MRAS: variants seen among roughly 807,000 people sequenced by gnomAD.
The protein encoded by MRAS is ras-related protein M-Ras.
In MRAS, 4 loss-of-function variants were observed where a neutral mutation model predicts 20.9. The observed-to-expected ratio is 0.19, with a 90% CI of 0.09 to 0.44. The LOEUF is 0.44. Ranked by LOEUF, MRAS falls within the 20% of genes least tolerant of loss-of-function variation. The pLI, the probability that MRAS is intolerant of heterozygous loss-of-function variation, is 0.99. For missense variants in MRAS, 154 were observed against 277.5 expected, an observed-to-expected ratio of 0.56 and a Z score of 3.16; for synonymous variants, 98 against 102.9, an observed-to-expected ratio of 0.95 and a Z score of 0.29.
rs756765006 is a variant in MRAS, at chr3:138,397,381, C to T, written c.251C>T (p.Thr84Met). The stretch of plus-strand genomic sequence containing the variant: ...GCCATGCGGGAGCAATACATGCGCA[C>T]GGGGGATGGCTTCCTCATCGTCTAC... ...FSAMREQYMR[T>M]GDGFLIVYSV... The change falls in exon 3 of 6, where the codon ACG (threonine) becomes ATG (methionine). Residue 84 changes from threonine (T) to methionine (M), a missense_variant. By Grantham distance (81) the Thr-to-Met change is moderately conservative (BLOSUM62 -1). Around this residue, in one of 3 missense-constraint regions of MRAS, gnomAD observed 125 missense variants for 213.5 expected, o/e 0.59. Transcript: ENST00000423968. 4 of 1,613,984 alleles carry T rather than the reference C, an allele frequency of 2.5e-6. No individual in the cohort carries two copies. The highest frequency in any genetic ancestry group is 3.4e-6 in the Non-Finnish European group (4 of 1,180,006).
chr3:138,370,706 GA>G (rs2054657707), intron 1 of MRAS, among the ~76,000 whole-genome samples: 1 of 152,130 alleles, frequency 6.6e-6, no homozygotes, highest in Admixed American at 6.5e-5. Flanking sequence ...CAGGTGGCTT[GA>G]ACATTTTATT....
chr3:138,399,510 A>G (rs1242723426), intron 4 of MRAS, among the ~76,000 whole-genome samples: 2 of 147,382 alleles, frequency 1.4e-5, no homozygotes, highest in South Asian at 2.2e-4. Flanking sequence ...ATGATTTACA[A>G]TCTACTCCTC....
chr3:138,400,684 TGAG>T (rs1486023948), intron 5 of MRAS, 71 bp downstream of exon 5: 9 of 1,315,246 alleles, frequency 6.8e-6, no homozygotes, highest in African/African-American at 5.8e-5. Flanking sequence ...GCTGGGAGCT[TGAG>T]GAAGCAGCTC....
At chr3:138,400,648 A>G (rs937854399) in intron 5 of MRAS, 35 bp downstream of exon 5, 46 of 1,556,646 alleles carry the variant, frequency 3.0e-5, no homozygotes, top group Non-Finnish European at 4.1e-5. Flanking sequence ...GCGGGCCTCC[A>G]CAGCATGGGT....
In MRAS at chr3:138,376,973, C is replaced by T. The variant is rs528136710; in HGVS notation, c.193+3897C>T. Among the ~76,000 whole-genome samples the T allele has an allele frequency of 1.0e-3, 158 of 152,356 alleles. 1 individual carries two copies. Among genetic ancestry groups the T allele is most frequent in the Admixed American group, 2.9e-3 (44 of 15,308 alleles). Reference sequence around the variant, plus strand: ...TTTCTCTCTACAGCCATATAAACTTCTCTGACTTTTTCCTGAGTACCTTTG... The same window carrying T: ...TTTCTCTCTACAGCCATATAAACTTTTCTGACTTTTTCCTGAGTACCTTTG... On this transcript the variant is annotated intron_variant, in intron 2 of 5. Coordinates refer to ENST00000423968, the MANE Select transcript of MRAS (RefSeq NM_001085049.3).
At chr3:138,384,899 C>T (rs556821209) in intron 2 of MRAS, among the ~76,000 whole-genome samples, 5 of 152,260 alleles carry the variant, frequency 3.3e-5, no homozygotes, top group South Asian at 2.1e-4. Context: ...CATGAGAGAC[C>T]GGCCAGGAGC....
chr3:138,394,374 T>C (rs751740410), intron 2 of MRAS, among the ~76,000 whole-genome samples: 2 of 152,194 alleles, frequency 1.3e-5, no homozygotes, highest in Non-Finnish European at 2.9e-5. Flanking sequence ...TTGGGTCCTC[T>C]TGTCCATCAC....
intron 1 of MRAS, among the ~76,000 whole-genome samples, chr3:138,358,690 G>A (rs1193360502): frequency 6.6e-6 from 1 of 152,266 alleles, no homozygotes; most frequent in African/African-American, 2.4e-5. Flanking sequence ...GTCTAGTGGG[G>A]AAGATGCATT....
intron 1 of MRAS, among the ~76,000 whole-genome samples, chr3:138,358,879 C>T (rs939507976): frequency 7.9e-5 from 12 of 152,190 alleles, no homozygotes; most frequent in African/African-American, 2.2e-4. Context: ...GCTTAATAAA[C>T]GGTCATTATA....
At chr3:138,368,278 G>GTGTGTGAGTGTGTA (rs1412792264) in intron 1 of MRAS, among the ~76,000 whole-genome samples, 1 of 152,222 alleles carries the variant, frequency 6.6e-6, no homozygotes, top group African/African-American at 2.4e-5. Context: ...GAGTGTGTGT[G>GTGTGTGAGTGTGTA]TGTGTGAGTG....
rs2055266918 is a variant in MRAS, at chr3:138,397,551, CTT to C, written c.347+76_347+77del. On this transcript the variant is annotated intron_variant, in intron 3 of 5. Transcript: ENST00000423968. ...CTCCTAGGGCGCTCTCTCTCTCTCT[CTT>C]TCTCTTTCTCTCTCTCTCACCCCTA... 7.5e-6 allele frequency: 11 copies of C among 1,466,468 alleles called. No individual in the cohort carries two copies. The African/African-American group carries it at 9.8e-5, about 13-fold the overall frequency. The allele number at this position is 1,466,468 out of a possible 1,614,324, so 90.8% of individuals were successfully genotyped here. A position where few individuals can be genotyped will look rare whatever the true frequency, so the allele number is the denominator to read the frequency against.
Position 138,400,575 on chromosome 3 carries a change from T to C in MRAS, c.489T>C (p.Asn163=), listed in dbSNP as rs761170472. ...CCAGTGCCAAGGACCCACCTCTCAATGTCGACAAAGCCTTCCATGACCTCG... is the reference window on the plus strand; with the variant it reads ...CCAGTGCCAAGGACCCACCTCTCAACGTCGACAAAGCCTTCCATGACCTCG... ...IETSAKDPPL[N]VDKAFHDLVR... Residue 163 remains asparagine (N), a synonymous_variant, in exon 5 of 6, where the codon AAT becomes AAC. Coordinates refer to ENST00000423968, the MANE Select transcript of MRAS (RefSeq NM_001085049.3). 1.9e-6 allele frequency: 3 copies of C among 1,613,758 alleles called. No homozygotes were observed.
chr3:138,378,317 A>C (rs1288293902), intron 2 of MRAS, among the ~76,000 whole-genome samples: 1 of 152,208 alleles, frequency 6.6e-6, no homozygotes, highest in African/African-American at 2.4e-5. Flanking sequence ...AGGAAGTCAC[A>C]TTGCCTGTGT....
chr3:138,358,006 A>G (rs1040224094), intron 1 of MRAS, among the ~76,000 whole-genome samples: 2 of 152,188 alleles, frequency 1.3e-5, no homozygotes, highest in Non-Finnish European at 2.9e-5. Flanking sequence ...AAGGATAACA[A>G]TCTGTCTTAG....
At chr3:138,361,267 G>T (rs937524677) in intron 1 of MRAS, among the ~76,000 whole-genome samples, 2 of 152,208 alleles carry the variant, frequency 1.3e-5, no homozygotes, top group African/African-American at 4.8e-5. Flanking sequence ...CGAGGGGAAG[G>T]GGGCACTTGG....
chr3:138,364,445 T>C (rs2054520058), intron 1 of MRAS, among the ~76,000 whole-genome samples: 1 of 152,248 alleles, frequency 6.6e-6, no homozygotes, highest in East Asian at 1.9e-4. Flanking sequence ...CTGTCCCTAC[T>C]TTTACAGAAA....
At chr3:138,372,836 T>C in intron 1 of MRAS, 30 bp from the exon 2 acceptor site, 2 of 1,432,232 alleles carry the variant, frequency 1.4e-6, no homozygotes, top group South Asian at 2.9e-5. Flanking sequence ...AAAAGCCCTC[T>C]GTCTCATTCC....
chr3:138,378,881 C>T (rs1298994009), intron 2 of MRAS, among the ~76,000 whole-genome samples: 1 of 151,996 alleles, frequency 6.6e-6, no homozygotes, highest in African/African-American at 2.4e-5. Flanking sequence ...CCCCATTCTC[C>T]CCTCTCCTCA....
At chr3:138,355,536 T>C (rs1205186350) in intron 1 of MRAS, among the ~76,000 whole-genome samples, 1 of 152,232 alleles carries the variant, frequency 6.6e-6, no homozygotes, top group Admixed American at 6.5e-5. Context: ...TTCATCTGGT[T>C]TCATAATAGA....
Sources: gnomAD v4.1 joint callset for allele counts (sites outside exome capture counted in the v4.1 genomes callset) on GRCh38, gnomAD v4.1.1 for gene constraint, gnomAD v4.1.1 regional missense constraint, MANE v1.5 for transcripts, NCBI Gene and HGNC (gene_info 2026-07-23, HGNC 2026-07-21) for gene names.